The following ANKRD30BL variants were observed in gnomAD, a reference collection of about 807,000 sequenced individuals.
ANKRD30BL encodes putative ankyrin repeat domain-containing protein 30B-like.
Under a neutral mutation model 18.4 loss-of-function variants are expected in ANKRD30BL, and 20 were observed. The observed-to-expected ratio is 1.09, with a 90% confidence interval of 0.77 to 1.58. ANKRD30BL has a LOEUF of 1.58. Among genes scored for constraint, ANKRD30BL ranks in the 40% most tolerant of loss-of-function variants. ANKRD30BL has a pLI of 0.00. For synonymous variants in ANKRD30BL, 72 were observed against 100.9 expected (o/e 0.71, Z 1.72); for missense variants, 224 against 268.6 (o/e 0.83, Z 1.16).
intron 1 of ANKRD30BL, among the ~76,000 whole-genome samples, chr2:132,194,055 T>A (rs10179003): frequency 0.025 from 3,202 of 127,726 alleles, 102 homozygotes; most frequent in African/African-American, 0.11. Flanking sequence ...TCTCTCTCTC[T>A]CACACACACA....
chr2:132,236,602 A>G (rs1680157736), intron 1 of ANKRD30BL, among the ~76,000 whole-genome samples: 3 of 152,224 alleles, frequency 2.0e-5, no homozygotes, highest in Non-Finnish European at 4.4e-5. Context: ...TTAGAATGGC[A>G]ATCATTAAAA....
At chr2:132,196,141 C>CAAAA (rs199876039) in intron 1 of ANKRD30BL, among the ~76,000 whole-genome samples, 1 of 87,514 alleles carries the variant, frequency 1.1e-5, no homozygotes, top group Non-Finnish European at 2.5e-5. Flanking sequence ...GAGTCCATCT[C>CAAAA]AAAAAAAAAA....
At chr2:132,158,007 C>T (rs369460735) in intron 1 of ANKRD30BL, among the ~76,000 whole-genome samples, 5 of 149,948 alleles carry the variant, frequency 3.3e-5, no homozygotes, top group African/African-American at 7.6e-5. Flanking sequence ...ATTGAAATGC[C>T]GCTTATAAGT....
At chr2:132,177,797 A>G (rs1688391999) in intron 1 of ANKRD30BL, among the ~76,000 whole-genome samples, 1 of 152,182 alleles carries the variant, frequency 6.6e-6, no homozygotes, top group African/African-American at 2.4e-5. Flanking sequence ...ATGTGGTTAT[A>G]TTGACCCCTA....
intron 1 of ANKRD30BL, among the ~76,000 whole-genome samples, chr2:132,203,082 A>G (rs1679140343): frequency 6.6e-6 from 1 of 152,294 alleles, no homozygotes; most frequent in Non-Finnish European, 1.5e-5. Flanking sequence ...AGCCCGTTCT[A>G]TTTTCGGTCA....
chr2:132,214,698 C>T (rs997423422), intron 1 of ANKRD30BL, among the ~76,000 whole-genome samples: 4 of 151,604 alleles, frequency 2.6e-5, no homozygotes, highest in African/African-American at 9.7e-5. Flanking sequence ...CAGAAACATT[C>T]TGACAACTTT....
chr2:132,207,691 A>G (rs1679236606), intron 1 of ANKRD30BL, among the ~76,000 whole-genome samples: 1 of 152,124 alleles, frequency 6.6e-6, no homozygotes. Context: ...TGTAATCCAG[A>G]CTTTTTCCTC....
intron 1 of ANKRD30BL, among the ~76,000 whole-genome samples, chr2:132,190,856 C>T (rs946499245): frequency 6.6e-6 from 1 of 151,952 alleles, no homozygotes; most frequent in African/African-American, 2.4e-5. Flanking sequence ...ATGAATATGC[C>T]AGTTACTGTG....
chr2:132,222,385 G>T (rs1573860421), intron 1 of ANKRD30BL, among the ~76,000 whole-genome samples: 1 of 152,192 alleles, frequency 6.6e-6, no homozygotes, highest in South Asian at 2.1e-4. Flanking sequence ...CGGTTTTGTG[G>T]AATAGAAAGG....
At chr2:132,202,378 C>A (rs1351355964) in intron 1 of ANKRD30BL, among the ~76,000 whole-genome samples, 10 of 151,666 alleles carry the variant, frequency 6.6e-5, no homozygotes, top group African/African-American at 2.4e-4. Flanking sequence ...ATTATTTTAA[C>A]AATTATTAAA....
intron 1 of ANKRD30BL, among the ~76,000 whole-genome samples, chr2:132,231,356 C>G (rs897112067): frequency 6.6e-6 from 1 of 152,170 alleles, no homozygotes; most frequent in East Asian, 1.9e-4. Flanking sequence ...CGAATAGGAA[C>G]AGCTCTGGTC....
At chr2:132,199,536 T>A (rs1679051149) in intron 1 of ANKRD30BL, among the ~76,000 whole-genome samples, 2 of 151,970 alleles carry the variant, frequency 1.3e-5, no homozygotes, top group Admixed American at 1.3e-4. Flanking sequence ...TGAGACAGTC[T>A]CGCTCTGTGG....
intron 1 of ANKRD30BL, among the ~76,000 whole-genome samples, chr2:132,197,270 C>CT (rs1678988530): frequency 6.6e-6 from 1 of 152,198 alleles, no homozygotes; most frequent in African/African-American, 2.4e-5. Context: ...ATTGAGGACT[C>CT]TGAGTTTTAG....
chr2:132,205,557 C>T (rs1679195074), intron 1 of ANKRD30BL, among the ~76,000 whole-genome samples: 2 of 147,132 alleles, frequency 1.4e-5, no homozygotes, highest in African/African-American at 2.5e-5. Context: ...GCTGAGATCA[C>T]ACTGTTGCAC....
At chr2:132,148,411 G>C (rs1254513159) in intron 5 of ANKRD30BL, among the ~76,000 whole-genome samples, 183 bp from the exon 6 acceptor site, 11 of 123,580 alleles carry the variant, frequency 8.9e-5, no homozygotes, top group African/African-American at 1.9e-4. Context: ...CTGTTGCCCA[G>C]GCTGGAGTGC....
intron 1 of ANKRD30BL, among the ~76,000 whole-genome samples, chr2:132,216,467 T>C (rs1327207835): frequency 6.6e-6 from 1 of 152,042 alleles, no homozygotes; most frequent in Non-Finnish European, 1.5e-5. Flanking sequence ...ACTCTTTTTG[T>C]AGAATCTGCA....
chr2:132,220,161 G>A (rs1679631950), intron 1 of ANKRD30BL, among the ~76,000 whole-genome samples: 1 of 151,830 alleles, frequency 6.6e-6, no homozygotes, highest in Non-Finnish European at 1.5e-5. Context: ...TTGGAAATGG[G>A]AATATCCTTA....
intron 1 of ANKRD30BL, among the ~76,000 whole-genome samples, chr2:132,170,144 T>C (rs1688252955): frequency 1.3e-5 from 2 of 152,214 alleles, no homozygotes. Context: ...TATTTTTCTC[T>C]GAGAATTCAG....
chr2:132,239,181 T>C (rs1310999664), intron 1 of ANKRD30BL, among the ~76,000 whole-genome samples: 3 of 152,030 alleles, frequency 2.0e-5, no homozygotes, highest in East Asian at 1.9e-4. Flanking sequence ...GTGATGTGTG[T>C]ACTCAACTCA....
Sources: allele counts gnomAD v4.1 joint callset (sites outside exome capture counted in the v4.1 genomes callset), GRCh38; gene constraint gnomAD v4.1.1; transcripts MANE v1.5; gene names NCBI Gene and HGNC (gene_info 2026-07-23, HGNC 2026-07-21).